Variants in RFX3 observed in about 807,000 individuals in gnomAD.
The protein encoded by RFX3 is regulatory factor X3.
Under a neutral mutation model 98.6 loss-of-function variants are expected in RFX3, and 14 were observed. The observed-to-expected ratio is 0.14, with a 90% CI of 0.09 to 0.22. The LOEUF (loss-of-function observed/expected upper bound fraction) is 0.22. Among genes scored for constraint, RFX3 ranks in the 10% least tolerant of loss-of-function variants. RFX3 has a pLI of 1.00. For missense variants in RFX3, 639 were observed against 926.9 expected (o/e 0.69, Z 4.03); for synonymous variants, 383 against 328.4 (o/e 1.17, Z -1.80).
intron 2 of RFX3, 28 bp downstream of exon 2, chr9:3,395,444 A>G (rs1347949829): frequency 1.2e-6 from 2 of 1,607,162 alleles, no homozygotes; most frequent in Non-Finnish European, 1.7e-6. Flanking sequence ...AAGTAACAGC[A>G]TCTTTTCTAA....
chr9:3,282,990 T>C (rs1054380606), intron 7 of RFX3, among the ~76,000 whole-genome samples: 1 of 151,812 alleles, frequency 6.6e-6, no homozygotes, highest in African/African-American at 2.4e-5. Context: ...GGAGCATAAG[T>C]GGTGACTGTT....
intron 1 of RFX3, among the ~76,000 whole-genome samples, chr9:3,514,512 G>A (rs772190731): frequency 4.0e-5 from 6 of 151,864 alleles, no homozygotes; most frequent in Admixed American, 1.3e-4. Context: ...CCCAGGCTCC[G>A]GGTTGTCTAC....
intron 1 of RFX3, among the ~76,000 whole-genome samples, chr9:3,427,253 TATA>T (rs1489497761): frequency 1.4e-4 from 20 of 143,996 alleles, no homozygotes; most frequent in East Asian, 3.9e-4. Context: ...AAAATATATA[TATA>T]ATACTATATA....
chr9:3,386,952 C>T (rs559272617), intron 2 of RFX3, among the ~76,000 whole-genome samples: 43 of 152,278 alleles, frequency 2.8e-4, no homozygotes, highest in Admixed American at 2.7e-3. Context: ...CAACCTTCTG[C>T]AAAGAGGCTC....
At chr9:3,227,828 TATA>T (rs1420953018) in intron 16 of RFX3, among the ~76,000 whole-genome samples, 1 of 152,240 alleles carries the variant, frequency 6.6e-6, no homozygotes, top group Non-Finnish European at 1.5e-5. Context: ...TTTTTTTGGC[TATA>T]ATTTTCTCAT....
At chr9:3,485,071 C>A (rs1256330557) in intron 1 of RFX3, among the ~76,000 whole-genome samples, 1 of 152,092 alleles carries the variant, frequency 6.6e-6, no homozygotes, top group African/African-American at 2.4e-5. Flanking sequence ...ATGACGGTAT[C>A]ACCGCACTCC....
chr9:3,277,246 T>C (rs1825347666), intron 8 of RFX3, 94 bp downstream of exon 8: 12 of 1,330,222 alleles, frequency 9.0e-6, no homozygotes, highest in Non-Finnish European at 1.3e-5. Context: ...AATCTTTCTA[T>C]GTCATTGACA....
chr9:3,390,595 G>T (rs998441634), intron 2 of RFX3, among the ~76,000 whole-genome samples: 17 of 152,196 alleles, frequency 1.1e-4, no homozygotes, highest in African/African-American at 4.1e-4. Context: ...GTTGTGGGAG[G>T]AACCCGGTGG....
At chr9:3,502,693 T>C (rs1217824827) in intron 1 of RFX3, among the ~76,000 whole-genome samples, 2 of 152,194 alleles carry the variant, frequency 1.3e-5, no homozygotes, top group Non-Finnish European at 2.9e-5. Flanking sequence ...CTTTCATTAT[T>C]TTCACGATTT....
At chr9:3,266,477 G>T (rs1330034841) in intron 11 of RFX3, among the ~76,000 whole-genome samples, 172 bp from the exon 12 acceptor site, 2 of 151,926 alleles carry the variant, frequency 1.3e-5, no homozygotes, top group Non-Finnish European at 2.9e-5. Flanking sequence ...AAGCATCCAA[G>T]AATTATATTT....
intron 7 of RFX3, among the ~76,000 whole-genome samples, chr9:3,285,558 G>C (rs1165005545): frequency 6.6e-6 from 1 of 151,590 alleles, no homozygotes; most frequent in Non-Finnish European, 1.5e-5. Context: ...GATTCCTTCA[G>C]AGAGACCACA....
chr9:3,414,888 G>A (rs1842814314), intron 1 of RFX3, among the ~76,000 whole-genome samples: 1 of 132,060 alleles, frequency 7.6e-6, no homozygotes, highest in Non-Finnish European at 1.6e-5. Context: ...GTATATATAA[G>A]TATATATATG....
chr9:3,515,826 T>C (rs1818099932), intron 1 of RFX3, among the ~76,000 whole-genome samples: 3 of 152,126 alleles, frequency 2.0e-5, no homozygotes, highest in African/African-American at 4.8e-5. Flanking sequence ...AACTTGAAAA[T>C]GTCTAAGTTA....
At chr9:3,460,519 A>G (rs1847589954) in intron 1 of RFX3, among the ~76,000 whole-genome samples, 1 of 152,028 alleles carries the variant, frequency 6.6e-6, no homozygotes, top group Admixed American at 6.6e-5. Flanking sequence ...AATAAGATAA[A>G]CCAACATTTT....
chr9:3,336,919 T>A (rs945985800), intron 3 of RFX3, among the ~76,000 whole-genome samples: 1 of 152,182 alleles, frequency 6.6e-6, no homozygotes, highest in Non-Finnish European at 1.5e-5. Flanking sequence ...ATGATTTGTG[T>A]GTGAATGCCT....
intron 4 of RFX3, among the ~76,000 whole-genome samples, chr9:3,308,106 C>T (rs1829542397): frequency 6.6e-6 from 1 of 152,074 alleles, no homozygotes; most frequent in African/African-American, 2.4e-5. Context: ...AACTAAGATA[C>T]ACTGCCTATA....
chr9:3,431,434 G>C (rs2132535230), intron 1 of RFX3, among the ~76,000 whole-genome samples: 1 of 152,102 alleles, frequency 6.6e-6, no homozygotes, highest in East Asian at 1.9e-4. Context: ...AGTACCAAAG[G>C]CATGAACACA....
At chr9:3,525,062 C>A (rs1819117420) in intron 1 of RFX3, among the ~76,000 whole-genome samples, 1 of 151,024 alleles carries the variant, frequency 6.6e-6, no homozygotes, top group Non-Finnish European at 1.5e-5. Flanking sequence ...AAAGAAAATA[C>A]AGTTTTAAAA....
intron 6 of RFX3, among the ~76,000 whole-genome samples, chr9:3,289,516 A>C (rs1827063131): frequency 6.6e-6 from 1 of 152,132 alleles, no homozygotes; most frequent in East Asian, 1.9e-4. Context: ...CTCCTGTACA[A>C]GCTGGAGGAC....
Sources: gnomAD v4.1 joint callset for allele counts (sites outside exome capture counted in the v4.1 genomes callset) on GRCh38, gnomAD v4.1.1 for gene constraint, MANE v1.5 for transcripts, NCBI Gene and HGNC (gene_info 2026-07-23, HGNC 2026-07-21) for gene names.